ZFHX3: variants seen among roughly 807,000 people sequenced by gnomAD.
The protein encoded by ZFHX3 is zinc finger homeobox 3, also known as zinc finger homeobox protein 3.
ZFHX3 carries 42 observed loss-of-function variants against 279.1 expected under a neutral mutation model. That is an observed-to-expected ratio of 0.15 (90% CI 0.12 to 0.19). The LOEUF is 0.19. Ranked by LOEUF, ZFHX3 falls within the 10% of genes least tolerant of loss-of-function variation. The pLI is 1.00. For synonymous variants in ZFHX3, 2,293 were observed against 1,957.8 expected (o/e 1.17, Z -4.52); for missense variants, 4,981 against 4,754.0 (o/e 1.05, Z -1.40).
intron 1 of ZFHX3, among the ~76,000 whole-genome samples, chr16:73,009,689 C>T (rs1454333267): frequency 6.6e-6 from 1 of 152,120 alleles, no homozygotes; most frequent in Non-Finnish European, 1.5e-5. Context: ...CAGCAGATGG[C>T]AGGGCCAGCC....
At chr16:73,717,682 C>T (rs145587759) in intron 1 of ZFHX3, among the ~76,000 whole-genome samples, 80 of 152,332 alleles carry the variant, frequency 5.3e-4, no homozygotes, top group African/African-American at 1.6e-3. Context: ...GGACCTCTCT[C>T]TTCCCCCCAG....
At chr16:73,022,286 G>A (rs1307900819) in intron 1 of ZFHX3, among the ~76,000 whole-genome samples, 4 of 152,140 alleles carry the variant, frequency 2.6e-5, no homozygotes, top group East Asian at 1.9e-4. Flanking sequence ...GGAAGCTCTC[G>A]CTGAGAAAGC....
chr16:73,490,050 A>G (rs911568345), intron 2 of ZFHX3, among the ~76,000 whole-genome samples: 9 of 152,260 alleles, frequency 5.9e-5, no homozygotes, highest in African/African-American at 2.2e-4. Context: ...TCTGTTGTAC[A>G]ACCAATTTCT....
At chr16:73,496,640 G>C (rs2019146993) in intron 2 of ZFHX3, among the ~76,000 whole-genome samples, 1 of 152,250 alleles carries the variant, frequency 6.6e-6, no homozygotes, top group Non-Finnish European at 1.5e-5. Context: ...AAGTTAGTTG[G>C]TGGTTGGACT....
chr16:73,762,044 C>T (rs1413737577), intron 1 of ZFHX3, among the ~76,000 whole-genome samples: 2 of 151,788 alleles, frequency 1.3e-5, no homozygotes, highest in Non-Finnish European at 2.9e-5. Context: ...AGCAAACAGA[C>T]AACCTACAGA....
chr16:72,807,373 T>G (rs1462892059), intron 7 of ZFHX3: 1 of 152,176 alleles, frequency 6.6e-6, no homozygotes, highest in Non-Finnish European at 1.5e-5. Flanking sequence ...GGGTGTGGTC[T>G]CCATAGTGGA....
chr16:73,011,106 C>A (rs981824640), intron 1 of ZFHX3, among the ~76,000 whole-genome samples: 1 of 152,092 alleles, frequency 6.6e-6, no homozygotes, highest in African/African-American at 2.4e-5. Context: ...CTCAGCCTCC[C>A]CAGTAGCTGG....
intron 3 of ZFHX3, among the ~76,000 whole-genome samples, chr16:73,369,288 T>G (rs2016581118): frequency 6.6e-6 from 1 of 152,224 alleles, no homozygotes; most frequent in East Asian, 1.9e-4. Context: ...GCTACATAAT[T>G]TCCATGGTCC....
At chr16:73,141,586 C>A (rs993303255) in intron 6 of ZFHX3, among the ~76,000 whole-genome samples, 3 of 151,904 alleles carry the variant, frequency 2.0e-5, no homozygotes, top group African/African-American at 7.3e-5. Flanking sequence ...TTTGTTGAGA[C>A]AGGGTCTTGC....
At position 72,959,031 on chromosome 16, in the gene ZFHX3, C is replaced by A. The variant is rs1398839726; in HGVS notation, c.1115G>T (p.Arg372Leu). 1.2e-6 allele frequency: 2 copies of A among 1,613,182 alleles called. No homozygotes were observed. The highest frequency in any genetic ancestry group is 1.7e-6 in the Non-Finnish European group (2 of 1,179,528). The change falls in exon 2 of 10, where the codon CGA becomes CTA. Residue 372 changes from arginine to leucine, a missense_variant. Coordinates refer to ENST00000268489, the MANE Select transcript of ZFHX3 (RefSeq NM_006885.4). ...HSFYGKFSGIRMEGEEALPAG... is the reference protein window; with the variant it reads ...HSFYGKFSGILMEGEEALPAG... The stretch of plus-strand genomic sequence containing the variant: ...TGGGAGAGCTTCCTCCCCTTCCATT[C>A]GAATGCCACTAAATTTACCATAAAA...
At chr16:73,244,252 G>T (rs940897438) in intron 5 of ZFHX3, among the ~76,000 whole-genome samples, 5 of 152,134 alleles carry the variant, frequency 3.3e-5, no homozygotes, top group Non-Finnish European at 7.3e-5. Flanking sequence ...GAGAGGGTCA[G>T]ACACACAGGC....
intron 5 of ZFHX3, among the ~76,000 whole-genome samples, chr16:73,247,929 A>AGT (rs1187712513): frequency 7.0e-6 from 1 of 142,918 alleles, no homozygotes; most frequent in Non-Finnish European, 1.5e-5. Flanking sequence ...TTGTATGTGG[A>AGT]GTGTGTGTGT....
At chr16:73,721,049 C>T (rs542464207) in intron 1 of ZFHX3, among the ~76,000 whole-genome samples, 15 of 152,174 alleles carry the variant, frequency 9.9e-5, no homozygotes, top group Non-Finnish European at 1.9e-4. Context: ...TGCTTCTGGG[C>T]AGGGTCTATG....
intron 1 of ZFHX3, among the ~76,000 whole-genome samples, chr16:73,728,482 T>C (rs540666093): frequency 2.6e-5 from 4 of 152,358 alleles, no homozygotes; most frequent in South Asian, 4.1e-4. Flanking sequence ...AAAGTTCTAT[T>C]GGACAGTGCT....
chr16:73,861,871 T>C (rs369774055), intron 1 of ZFHX3, among the ~76,000 whole-genome samples: 10 of 152,334 alleles, frequency 6.6e-5, no homozygotes, highest in Middle Eastern at 6.8e-3. Context: ...TACTACAGTT[T>C]AGAAGAAATC....
chr16:73,143,875 T>C (rs1966854009), intron 5 of ZFHX3: 2 of 949,302 alleles, frequency 2.1e-6, no homozygotes, highest in South Asian at 1.4e-5. Flanking sequence ...GGGGAGATGT[T>C]TGGCAAACCT....
chr16:73,375,289 G>C (rs2016703582), intron 3 of ZFHX3, among the ~76,000 whole-genome samples: 1 of 152,110 alleles, frequency 6.6e-6, no homozygotes, highest in African/African-American at 2.4e-5. Flanking sequence ...TTGGCTGATG[G>C]CACTTCAAGT....
intron 4 of ZFHX3, among the ~76,000 whole-genome samples, chr16:72,840,696 C>G (rs1308432205): frequency 6.6e-6 from 1 of 152,214 alleles, no homozygotes; most frequent in African/African-American, 2.4e-5. Context: ...CTAACCTATT[C>G]AGAAAACAGC....
At chr16:73,402,918 G>T (rs949690807) in intron 3 of ZFHX3, among the ~76,000 whole-genome samples, 2 of 152,052 alleles carry the variant, frequency 1.3e-5, no homozygotes, top group African/African-American at 4.8e-5. Context: ...ACATTACAGA[G>T]AAGTAATTCT....
Sources: gnomAD v4.1 joint callset for allele counts (sites outside exome capture counted in the v4.1 genomes callset) on GRCh38, gnomAD v4.1.1 for gene constraint, MANE v1.5 for transcripts, NCBI Gene and HGNC (gene_info 2026-07-23, HGNC 2026-07-21) for gene names.